Variants in GRID1 observed in about 807,000 individuals in gnomAD.
GRID1 encodes the protein glutamate receptor ionotropic, delta-1.
Under a neutral mutation model 98.0 loss-of-function variants are expected in GRID1, and 28 were observed. That is an observed-to-expected ratio of 0.29 (90% CI 0.21 to 0.39). The LOEUF is 0.39. Among genes scored for constraint, GRID1 ranks in the 10% least tolerant of loss-of-function variants. The pLI is 1.00. For synonymous variants in GRID1, 553 were observed against 538.5 expected (o/e 1.03, Z -0.37); for missense variants, 1,111 against 1,340.5 (o/e 0.83, Z 2.67).
intron 12 of GRID1, among the ~76,000 whole-genome samples, chr10:85,709,701 G>A (rs982149596): frequency 6.6e-6 from 1 of 152,120 alleles, no homozygotes; most frequent in Non-Finnish European, 1.5e-5. Context: ...GTGCACAATT[G>A]TATATTTAAA....
intron 6 of GRID1, among the ~76,000 whole-genome samples, chr10:85,858,685 T>TG (rs1843136975): frequency 6.6e-6 from 1 of 152,178 alleles, no homozygotes; most frequent in African/African-American, 2.4e-5. Flanking sequence ...TCCTTAACGA[T>TG]GGGAAGATTT....
rs17105747 is a variant in GRID1, at chr10:85,647,406, C to A, written c.1998-9G>T. The A allele has an allele frequency of 1.2e-6, 2 of 1,609,602 alleles. No individual in the cohort carries two copies. The highest frequency in any genetic ancestry group is 1.7e-6 in the Non-Finnish European group (2 of 1,176,182). On this transcript the variant is annotated splice_polypyrimidine_tract_variant and intron_variant, in intron 12 of 15. Coordinates refer to ENST00000327946, the MANE Select transcript of GRID1 (RefSeq NM_017551.3). Reference sequence around the variant, plus strand: ...ACAGGTCCTGGAAAGTCCTGAAATGCAGAAAGGCAGCGAGGCATGAGTACA... The same window carrying A: ...ACAGGTCCTGGAAAGTCCTGAAATGAAGAAAGGCAGCGAGGCATGAGTACA...
Position 86,337,365 on chromosome 10 carries a change from G to A in GRID1, c.235+26576C>T, listed in dbSNP as rs1848237815. On this transcript the variant is annotated intron_variant, in intron 2 of 15. Coordinates refer to ENST00000327946, the MANE Select transcript of GRID1 (RefSeq NM_017551.3). Reference sequence around the variant, plus strand: ...GAGGCTTTGATCCTTGACTTTGTGCGCTCAGGAGTCTGTAGCCCGGGCCTT... The same window carrying A: ...GAGGCTTTGATCCTTGACTTTGTGCACTCAGGAGTCTGTAGCCCGGGCCTT... 3.9e-5 allele frequency among the ~76,000 whole-genome samples: 6 copies of A among 152,298 alleles called. No homozygotes were observed. The South Asian group carries it at 1.2e-3, about 32-fold the overall frequency.
chr10:85,925,064 C>T (rs1490451165), intron 4 of GRID1, among the ~76,000 whole-genome samples: 1 of 152,206 alleles, frequency 6.6e-6, no homozygotes, highest in Non-Finnish European at 1.5e-5. Flanking sequence ...ATGGAGCCTG[C>T]TCACAGGCAC....
intron 2 of GRID1, among the ~76,000 whole-genome samples, chr10:86,314,120 CT>C (rs1847868136): frequency 6.6e-6 from 1 of 152,212 alleles, no homozygotes; most frequent in South Asian, 2.1e-4. Context: ...GTCCAGCTTC[CT>C]CTCTTCTTCC....
At chr10:86,340,084 A>G (rs1848288816) in intron 2 of GRID1, among the ~76,000 whole-genome samples, 1 of 151,868 alleles carries the variant, frequency 6.6e-6, no homozygotes, top group South Asian at 2.1e-4. Context: ...AGTGAGCCTC[A>G]CAGATGAGGG....
chr10:86,226,227 C>T (rs113639191), intron 2 of GRID1, among the ~76,000 whole-genome samples: 7 of 151,896 alleles, frequency 4.6e-5, no homozygotes, highest in Non-Finnish European at 8.8e-5. Flanking sequence ...GGCCGTCACA[C>T]GTCATACGCC....
chr10:85,676,605 C>T (rs937623492), intron 12 of GRID1, among the ~76,000 whole-genome samples: 4 of 152,152 alleles, frequency 2.6e-5, no homozygotes, highest in African/African-American at 7.2e-5. Context: ...ACAATGGAGA[C>T]GCAGCTTCCA....
chr10:86,002,330 C>A (rs1842811847), intron 4 of GRID1, among the ~76,000 whole-genome samples: 1 of 152,316 alleles, frequency 6.6e-6, no homozygotes, highest in Admixed American at 6.5e-5. Flanking sequence ...AGCTCACTGG[C>A]ATTCAGTCCT....
chr10:85,727,130 G>A (rs1404593798), intron 10 of GRID1, among the ~76,000 whole-genome samples: 1 of 152,162 alleles, frequency 6.6e-6, no homozygotes, highest in Non-Finnish European at 1.5e-5. Context: ...GGTGAACACT[G>A]GAGTGGAGTA....
At chr10:85,731,829 AAGGAAGGG>A (rs71016108) in intron 8 of GRID1, among the ~76,000 whole-genome samples, 33,966 of 121,858 alleles carry the variant, frequency 0.28, 4,807 homozygotes, top group African/African-American at 0.32. Context: ...AGAAGGAAGG[AAGGAAGGG>A]AGGGAGGGAG....
chr10:85,922,655 A>G (rs1218490261), intron 4 of GRID1, among the ~76,000 whole-genome samples: 3 of 152,310 alleles, frequency 2.0e-5, no homozygotes, highest in Non-Finnish European at 2.9e-5. Flanking sequence ...ATTTAGGAAC[A>G]ATGCTCTCTG....
chr10:85,957,860 G>A (rs1699137321), intron 4 of GRID1, among the ~76,000 whole-genome samples: 1 of 152,192 alleles, frequency 6.6e-6, no homozygotes, highest in African/African-American at 2.4e-5. Flanking sequence ...GGCTCCTCAG[G>A]GTGAACGTGA....
chr10:86,341,275 A>G (rs1327318137), intron 2 of GRID1, among the ~76,000 whole-genome samples: 1 of 152,096 alleles, frequency 6.6e-6, no homozygotes, highest in Non-Finnish European at 1.5e-5. Context: ...AGAGATAGCA[A>G]GAAAACCCTA....
chr10:85,967,470 AG>A (rs1481774879), intron 4 of GRID1, among the ~76,000 whole-genome samples: 1 of 152,244 alleles, frequency 6.6e-6, no homozygotes, highest in Non-Finnish European at 1.5e-5. Flanking sequence ...TCAGAAAAAT[AG>A]GAAAAAATGC....
At chr10:85,869,229 C>CT in intron 5 of GRID1, 49 bp from the exon 6 acceptor site, 1 of 1,529,446 alleles carries the variant, frequency 6.5e-7, no homozygotes, top group Non-Finnish European at 9.1e-7. Context: ...TGAACTATCT[C>CT]TGCAAGAGAC....
At chr10:85,931,488 T>A (rs952731544) in intron 4 of GRID1, among the ~76,000 whole-genome samples, 34 of 152,324 alleles carry the variant, frequency 2.2e-4, no homozygotes, top group Middle Eastern at 6.8e-3. Flanking sequence ...TCTCTCTCAT[T>A]ATATACCTCT....
intron 2 of GRID1, among the ~76,000 whole-genome samples, chr10:86,360,333 T>A (rs1848584550): frequency 6.6e-6 from 1 of 152,088 alleles, no homozygotes; most frequent in Non-Finnish European, 1.5e-5. Context: ...TAAAATACAG[T>A]GGTGGGGGGA....
Position 86,366,743 on chromosome 10 carries a change from G to C in GRID1, c.-351C>G, listed in dbSNP as rs1848687952. On this transcript the variant is annotated 5_prime_UTR_variant, in exon 1 of 16. Coordinates refer to ENST00000327946, the MANE Select transcript of GRID1 (RefSeq NM_017551.3). The surrounding 1 kb of genome is among the most constrained non-coding windows in gnomAD (Gnocchi z 4.1). ...AGGCGGTGGCGGCGGCGGCCGGGCC[G>C]GCGTGGCGGCTCTGGGCTGGCTGTG... Among the ~76,000 whole-genome samples, 1 of 150,176 alleles carries C rather than the reference G, an allele frequency of 6.7e-6. No homozygotes were observed.
Sources: allele counts gnomAD v4.1 joint callset (sites outside exome capture counted in the v4.1 genomes callset), GRCh38; gene constraint gnomAD v4.1.1; non-coding constraint Gnocchi (gnomAD v3.1); transcripts MANE v1.5; gene names NCBI Gene and HGNC (gene_info 2026-07-23, HGNC 2026-07-21).